MECOM: variants seen among roughly 807,000 people sequenced by gnomAD.
MECOM encodes MDS1 and EVI1 complex locus.
MECOM carries 13 observed loss-of-function variants against 116.3 expected under a neutral mutation model. That is an observed-to-expected ratio of 0.11 (90% confidence interval 0.07 to 0.18). The LOEUF is 0.18. Among genes scored for constraint, MECOM ranks in the 10% least tolerant of loss-of-function variants. The probability of loss-of-function intolerance (pLI) is 1.00; values close to 1 mark genes in which losing one functional copy is unlikely to be tolerated. For synonymous variants in MECOM, 528 were observed against 535.2 expected (o/e 0.99, Z 0.19); for missense variants, 1,299 against 1,509.0 (o/e 0.86, Z 2.31).
At chr3:169,236,074 G>A (rs77049357) in intron 2 of MECOM, among the ~76,000 whole-genome samples, 3,941 of 152,194 alleles carry the variant, frequency 0.026, 187 homozygotes, top group African/African-American at 0.091. Context: ...GATCACAAGG[G>A]CACTGATGGT....
At chr3:169,316,734 G>A (rs73036682) in intron 2 of MECOM, among the ~76,000 whole-genome samples, 9,151 of 152,098 alleles carry the variant, frequency 0.06, 720 homozygotes, top group African/African-American at 0.17. Context: ...TGTATTTTTT[G>A]TGGAGACAGA....
chr3:169,662,760 C>G lies in MECOM; in HGVS notation c.37+576G>C, dbSNP rs925217066. The stretch of plus-strand genomic sequence containing the variant: ...CCAGCGGCCGCCTCGCAACTTTTCC[C>G]AAGTCCACCACAGCCGCCCGCCGCC... On this transcript the variant is annotated intron_variant, in intron 1 of 16. Coordinates refer to ENST00000651503, the MANE Select transcript of MECOM (RefSeq NM_004991.4). Among the ~76,000 whole-genome samples, 256 of 152,172 alleles carry G rather than the reference C, an allele frequency of 1.7e-3. 2 individuals carry two copies. The highest frequency in any genetic ancestry group is 5.9e-3 in the African/African-American group (247 of 41,538).
intron 1 of MECOM, among the ~76,000 whole-genome samples, chr3:169,441,775 G>C (rs896066450): frequency 2.9e-5 from 4 of 138,712 alleles, no homozygotes; most frequent in African/African-American, 1.0e-4. Context: ...CTGTCACCCA[G>C]GCTGGAGTGC....
intron 1 of MECOM, among the ~76,000 whole-genome samples, chr3:169,567,594 G>T (rs1314833574): frequency 6.6e-6 from 1 of 152,134 alleles, no homozygotes; most frequent in Non-Finnish European, 1.5e-5. Flanking sequence ...AGAAATTGAG[G>T]CACAGAAGTA....
At chr3:169,541,950 T>G (rs1366847241) in intron 1 of MECOM, among the ~76,000 whole-genome samples, 1 of 152,264 alleles carries the variant, frequency 6.6e-6, no homozygotes, top group African/African-American at 2.4e-5. Flanking sequence ...TATGGGTCTG[T>G]GTAAAGTACT....
intron 1 of MECOM, among the ~76,000 whole-genome samples, chr3:169,425,105 C>A (rs1267559261): frequency 6.7e-6 from 1 of 150,336 alleles, no homozygotes; most frequent in Non-Finnish European, 1.5e-5. Context: ...AGAAACCCCC[C>A]CCCACTTGCA....
intron 2 of MECOM, among the ~76,000 whole-genome samples, chr3:169,212,487 G>A (rs1273195424): frequency 6.6e-6 from 1 of 150,538 alleles, no homozygotes; most frequent in Non-Finnish European, 1.5e-5. Context: ...TGTAAGGGGA[G>A]GAAATTTAAC....
chr3:169,390,797 C>T (rs545835300), intron 1 of MECOM, among the ~76,000 whole-genome samples: 79 of 152,198 alleles, frequency 5.2e-4, no homozygotes, highest in Middle Eastern at 3.4e-3. Context: ...AGGAGCTACA[C>T]GCTAAAGGAA....
chr3:169,396,037 A>G (rs1734981279), intron 1 of MECOM, among the ~76,000 whole-genome samples: 1 of 152,228 alleles, frequency 6.6e-6, no homozygotes, highest in Non-Finnish European at 1.5e-5. Flanking sequence ...GTGCCTCTGA[A>G]TTCCATATGA....
At chr3:169,186,930 C>T (rs760026284) in intron 2 of MECOM, among the ~76,000 whole-genome samples, 2 of 152,282 alleles carry the variant, frequency 1.3e-5, no homozygotes, top group African/African-American at 2.4e-5. Context: ...TTAAGGACAT[C>T]AAGCTACTTG....
chr3:169,104,809 T>C (rs1576931844), intron 10 of MECOM, among the ~76,000 whole-genome samples: 1 of 152,348 alleles, frequency 6.6e-6, no homozygotes, highest in Non-Finnish European at 1.5e-5. Flanking sequence ...TAGTAGCTGC[T>C]AATAGCTAGC....
intron 1 of MECOM, among the ~76,000 whole-genome samples, chr3:169,441,728 C>CTTTTTTTTTTTTTTTTTTTTTTTTTTTT (rs774825326): frequency 8.1e-6 from 1 of 123,484 alleles, no homozygotes; most frequent in Non-Finnish European, 1.9e-5. Flanking sequence ...TTCTTCTCTT[C>CTTTTTTTTTTTTTTTTTTTTTTTTTTTT]TTTTTTTTTT....
intron 2 of MECOM, among the ~76,000 whole-genome samples, chr3:169,162,177 G>C (rs1417100228): frequency 2.6e-5 from 4 of 152,188 alleles, no homozygotes; most frequent in African/African-American, 9.7e-5. Context: ...TCAGAGAATA[G>C]CTCTGGGATA....
intron 1 of MECOM, among the ~76,000 whole-genome samples, chr3:169,531,849 G>A (rs1446727162): frequency 6.6e-6 from 1 of 152,172 alleles, no homozygotes. Context: ...ATTCCCTTTT[G>A]TACCAATTGG....
At chr3:169,552,693 T>C (rs538473800) in intron 1 of MECOM, among the ~76,000 whole-genome samples, 228 of 152,102 alleles carry the variant, frequency 1.5e-3, no homozygotes, top group African/African-American at 5.4e-3. Flanking sequence ...GGAAAAGGGT[T>C]AGTGTTGTAG....
chr3:169,318,964 TG>T (rs1405856423), intron 2 of MECOM, among the ~76,000 whole-genome samples: 1 of 151,906 alleles, frequency 6.6e-6, no homozygotes, highest in African/African-American at 2.4e-5. Context: ...CTGGGCATGG[TG>T]GTGGGTGCCT....
intron 1 of MECOM, among the ~76,000 whole-genome samples, chr3:169,603,228 T>A (rs1443121689): frequency 6.6e-6 from 1 of 152,168 alleles, no homozygotes; most frequent in Non-Finnish European, 1.5e-5. Context: ...TAGGCTAATG[T>A]GTGTGTGTCC....
chr3:169,517,505 G>T (rs912237635), intron 1 of MECOM, among the ~76,000 whole-genome samples: 1 of 152,192 alleles, frequency 6.6e-6, no homozygotes, highest in Non-Finnish European at 1.5e-5. Context: ...ATAAGAGGGA[G>T]CAGGGAAGGA....
At chr3:169,559,671 C>A (rs896554214) in intron 1 of MECOM, among the ~76,000 whole-genome samples, 1 of 152,120 alleles carries the variant, frequency 6.6e-6, no homozygotes, top group Non-Finnish European at 1.5e-5. Context: ...CTCACAAACA[C>A]CTTCTCCTCA....
Sources: allele counts gnomAD v4.1 joint callset (sites outside exome capture counted in the v4.1 genomes callset), GRCh38; gene constraint gnomAD v4.1.1; transcripts MANE v1.5; gene names NCBI Gene and HGNC (gene_info 2026-07-23, HGNC 2026-07-21).